VTI1A: variants seen among roughly 807,000 people sequenced by gnomAD.
VTI1A encodes vesicle transport through interaction with t-SNAREs homolog 1A.
Under a neutral mutation model 34.9 loss-of-function variants are expected in VTI1A, and 22 were observed. That is an observed-to-expected ratio of 0.63 (90% CI 0.45 to 0.90). The LOEUF is 0.90. Ranked by LOEUF, VTI1A falls within the 40% of genes least tolerant of loss-of-function variation. The pLI is 0.00. For synonymous variants in VTI1A, 87 were observed against 97.3 expected, an observed-to-expected ratio of 0.89 and a Z score of 0.62; for missense variants, 268 against 275.6, an observed-to-expected ratio of 0.97 and a Z score of 0.20.
chr10:112,776,572 C>T lies in VTI1A; in HGVS notation c.561-38718C>T, dbSNP rs76074045. Among the ~76,000 whole-genome samples, 687 of 152,272 alleles carry T rather than the reference C, an allele frequency of 4.5e-3. 4 individuals carry two copies. The highest frequency in any genetic ancestry group is 0.015 in the African/African-American group (614 of 41,546). On this transcript the variant is annotated intron_variant, in intron 7 of 7. Transcript: ENST00000393077. ...TGAGGTGCCAGCCAGTGGCACCATC[C>T]CTACCTCCTCATCCCCCAGGATGCA...
chr10:112,501,417 TG>T (rs1422722681), intron 3 of VTI1A, among the ~76,000 whole-genome samples: 1 of 152,108 alleles, frequency 6.6e-6, no homozygotes, highest in Non-Finnish European at 1.5e-5. Context: ...TAAATCTTTC[TG>T]TTCTCTCTTA....
At chr10:112,718,893 C>T (rs1038675253) in intron 7 of VTI1A, among the ~76,000 whole-genome samples, 5 of 152,188 alleles carry the variant, frequency 3.3e-5, no homozygotes, top group African/African-American at 1.2e-4. Flanking sequence ...CAGTCGACTG[C>T]ACTGTAATGA....
chr10:112,688,375 C>T (rs1590071336), intron 7 of VTI1A, among the ~76,000 whole-genome samples: 1 of 151,938 alleles, frequency 6.6e-6, no homozygotes, highest in Non-Finnish European at 1.5e-5. Flanking sequence ...CTACAATGAT[C>T]TCTCCCCTCC....
rs528442990 is a variant in VTI1A at position 112,806,178 on chromosome 10, C to T, written c.561-9112C>T. On this transcript the variant is annotated intron_variant, in intron 7 of 7. Transcript: ENST00000393077. ...CTGTGTCCCAGTCCCTCAGGTCTCT[C>T]GGATGACTGACTACACCTAAATTGA... Among the ~76,000 whole-genome samples the T allele has an allele frequency of 3.3e-5, 5 of 152,264 alleles. No homozygotes were observed. The East Asian group carries it at 9.6e-4, about 29-fold the overall frequency.
At chr10:112,788,768 T>A (rs752553686) in intron 7 of VTI1A, among the ~76,000 whole-genome samples, 2 of 152,194 alleles carry the variant, frequency 1.3e-5, no homozygotes, top group Non-Finnish European at 2.9e-5. Flanking sequence ...GCCTCCTTTT[T>A]AAAAATAGAT....
chr10:112,553,410 A>G (rs150300763), intron 5 of VTI1A, among the ~76,000 whole-genome samples: 84 of 152,374 alleles, frequency 5.5e-4, no homozygotes, highest in African/African-American at 1.7e-3. Context: ...GTGATAAACT[A>G]TATAAAACAT....
chr10:112,677,432 T>C (rs560970625), intron 7 of VTI1A, among the ~76,000 whole-genome samples: 18 of 152,186 alleles, frequency 1.2e-4, no homozygotes, highest in Non-Finnish European at 2.4e-4. Flanking sequence ...GTAATTATTA[T>C]CAACTGTGTC....
intron 7 of VTI1A, among the ~76,000 whole-genome samples, chr10:112,687,202 GC>G (rs1370901016): frequency 3.4e-5 from 5 of 145,426 alleles, no homozygotes; most frequent in African/African-American, 1.3e-4. Context: ...AACAAAACAG[GC>G]CTAGGCATAC....
chr10:112,603,656 G>T (rs1008445115), intron 5 of VTI1A, among the ~76,000 whole-genome samples: 6 of 151,894 alleles, frequency 4.0e-5, no homozygotes, highest in Non-Finnish European at 5.9e-5. Flanking sequence ...TCTTCCCCTT[G>T]TATGGTATGC....
intron 5 of VTI1A, among the ~76,000 whole-genome samples, chr10:112,655,111 T>C (rs1412741698): frequency 2.0e-5 from 3 of 152,214 alleles, no homozygotes; most frequent in South Asian, 4.1e-4. Flanking sequence ...GGATACTTGA[T>C]AGAAATGCAA....
chr10:112,779,109 A>G (rs1342030453), intron 7 of VTI1A, among the ~76,000 whole-genome samples: 2 of 152,192 alleles, frequency 1.3e-5, no homozygotes, highest in African/African-American at 4.8e-5. Flanking sequence ...AGAAATACCA[A>G]AGGGTACACA....
chr10:112,573,272 T>C (rs571506840), intron 5 of VTI1A, among the ~76,000 whole-genome samples: 26 of 152,264 alleles, frequency 1.7e-4, no homozygotes, highest in African/African-American at 6.3e-4. Flanking sequence ...TGCTATCTGC[T>C]CTATTATCCG....
Position 112,769,863 on chromosome 10 carries a change from T to C in VTI1A, c.561-45427T>C, listed in dbSNP as rs1320233806. On this transcript the variant is annotated intron_variant, in intron 7 of 7. Transcript: ENST00000393077. ...TTACATACCTTAGGAACCAGGTGGG[T>C]ACCGCAGTGAGTGAAACAGGCCAGG... Among the ~76,000 whole-genome samples, 3 of 152,160 alleles carry C rather than the reference T, an allele frequency of 2.0e-5. No homozygotes were observed. In the East Asian group the frequency reaches 5.8e-4, roughly 29 times the overall value.
At chr10:112,526,361 C>T (rs1850223524) in intron 3 of VTI1A, among the ~76,000 whole-genome samples, 2 of 152,244 alleles carry the variant, frequency 1.3e-5, no homozygotes, top group South Asian at 4.1e-4. Flanking sequence ...GAAAAGTTGA[C>T]TCATAGCCTA....
intron 5 of VTI1A, among the ~76,000 whole-genome samples, chr10:112,589,663 A>G (rs890648981): frequency 6.6e-6 from 1 of 152,192 alleles, no homozygotes; most frequent in African/African-American, 2.4e-5. Flanking sequence ...AGTGCTCTAC[A>G]TGTATTAAGT....
At chr10:112,679,764 G>GAA (rs60672461) in intron 7 of VTI1A, among the ~76,000 whole-genome samples, 1 of 138,420 alleles carries the variant, frequency 7.2e-6, no homozygotes, top group African/African-American at 2.6e-5. Context: ...GTGATGAGGG[G>GAA]AAAAAAAAAA....
At chr10:112,743,139 G>T (rs1850756323) in intron 7 of VTI1A, among the ~76,000 whole-genome samples, 1 of 151,566 alleles carries the variant, frequency 6.6e-6, no homozygotes. Flanking sequence ...CGCTTTCCAG[G>T]TCTAGAATAT....
At chr10:112,624,201 T>G (rs1016439234) in intron 5 of VTI1A, among the ~76,000 whole-genome samples, 1 of 152,226 alleles carries the variant, frequency 6.6e-6, no homozygotes, top group African/African-American at 2.4e-5. Flanking sequence ...TTCATTTCCT[T>G]TCTTTCCATC....
At chr10:112,830,840 TA>T in the VTI1A span, among the ~76,000 whole-genome samples, 6 of 51,208 alleles carry the variant, frequency 1.2e-4, 1 homozygote, top group Admixed American at 2.6e-4. Flanking sequence ...TATATATATA[TA>T]TATATATATT....
Sources: gnomAD v4.1 joint callset for allele counts (sites outside exome capture counted in the v4.1 genomes callset) on GRCh38, gnomAD v4.1.1 for gene constraint, MANE v1.5 for transcripts, NCBI Gene and HGNC (gene_info 2026-07-23, HGNC 2026-07-21) for gene names.